The following GALNT13 variants were observed in gnomAD, a reference collection of about 807,000 sequenced individuals.
The protein encoded by GALNT13 is polypeptide N-acetylgalactosaminyltransferase 13, also known as UDP-GalNAc:polypeptide N-acetylgalactosaminyltransferase 13.
Under a neutral mutation model 64.2 loss-of-function variants are expected in GALNT13, and 28 were observed. The observed-to-expected ratio is 0.44, with a 90% CI of 0.32 to 0.60. GALNT13 has a LOEUF of 0.60. GALNT13 is among the 20% of genes least tolerant of loss of function. The pLI is 0.05. For synonymous variants in GALNT13, 214 were observed against 224.6 expected, an observed-to-expected ratio of 0.95 and a Z score of 0.42; for missense variants, 577 against 669.8, an observed-to-expected ratio of 0.86 and a Z score of 1.53.
chr2:153,932,702 G>T (rs944375042), intron 2 of GALNT13, among the ~76,000 whole-genome samples: 1 of 138,178 alleles, frequency 7.2e-6, no homozygotes, highest in East Asian at 2.2e-4. Context: ...ATCTTGGCTC[G>T]CTGTAACCTC....
the GALNT13 span, among the ~76,000 whole-genome samples, chr2:153,098,060 C>T: frequency 1.3e-5 from 2 of 152,106 alleles, no homozygotes; most frequent in Admixed American, 6.6e-5. Context: ...AGTGAGACTC[C>T]GTCTCAAATC....
At chr2:153,814,425 G>A in the GALNT13 span, among the ~76,000 whole-genome samples, 1 of 151,818 alleles carries the variant, frequency 6.6e-6, no homozygotes, top group African/African-American at 2.4e-5. Flanking sequence ...GGGCTACAGA[G>A]CGAGACTCCG....
At chr2:153,635,076 A>G in the GALNT13 span, among the ~76,000 whole-genome samples, 1 of 152,084 alleles carries the variant, frequency 6.6e-6, no homozygotes, top group African/African-American at 2.4e-5. Flanking sequence ...CTTTAGAGGA[A>G]ATTTGTTCTT....
chr2:154,348,061 C>T (rs924153263), intron 9 of GALNT13, among the ~76,000 whole-genome samples: 1 of 152,176 alleles, frequency 6.6e-6, no homozygotes, highest in African/African-American at 2.4e-5. Context: ...ACCTGTCATG[C>T]TTTATCTTAT....
At chr2:153,614,272 C>T in the GALNT13 span, among the ~76,000 whole-genome samples, 3 of 151,708 alleles carry the variant, frequency 2.0e-5, no homozygotes, top group Admixed American at 6.6e-5. Context: ...ACAATACTTA[C>T]CTTATAGTAT....
chr2:153,814,833 A>G, the GALNT13 span, among the ~76,000 whole-genome samples: 5 of 152,314 alleles, frequency 3.3e-5, no homozygotes, highest in South Asian at 2.1e-4. Context: ...ATATACATGT[A>G]TTATTCTAAA....
chr2:153,773,727 G>A, the GALNT13 span, among the ~76,000 whole-genome samples: 1 of 152,240 alleles, frequency 6.6e-6, no homozygotes, highest in South Asian at 2.1e-4. Flanking sequence ...TGATATAGTT[G>A]TAGGAAGAAT....
the GALNT13 span, among the ~76,000 whole-genome samples, chr2:153,371,789 A>G: frequency 6.6e-6 from 1 of 152,218 alleles, no homozygotes; most frequent in Non-Finnish European, 1.5e-5. Flanking sequence ...TGTAGATATT[A>G]AAAAGCTGAT....
At chr2:153,766,126 T>C in the GALNT13 span, among the ~76,000 whole-genome samples, 88 of 152,194 alleles carry the variant, frequency 5.8e-4, no homozygotes, top group Non-Finnish European at 9.3e-4. Context: ...CTTTGTTGGA[T>C]AAAATATTCA....
At chr2:154,019,415 A>G (rs1308201010) in intron 3 of GALNT13, among the ~76,000 whole-genome samples, 1 of 152,104 alleles carries the variant, frequency 6.6e-6, no homozygotes. Flanking sequence ...CAGGTGAATC[A>G]TGAGGTCAAG....
the GALNT13 span, among the ~76,000 whole-genome samples, chr2:153,820,910 A>G: frequency 1.3e-5 from 2 of 152,256 alleles, no homozygotes; most frequent in South Asian, 4.1e-4. Flanking sequence ...CTTAAAATGC[A>G]CAAAGTAGTA....
chr2:153,390,868 G>T, the GALNT13 span, among the ~76,000 whole-genome samples: 2 of 152,116 alleles, frequency 1.3e-5, no homozygotes, highest in South Asian at 2.1e-4. Context: ...AAGATGGGGG[G>T]AAGATGATAA....
the GALNT13 span, among the ~76,000 whole-genome samples, chr2:153,750,626 G>A: frequency 6.6e-6 from 1 of 151,634 alleles, no homozygotes. Flanking sequence ...GCTCATAGAG[G>A]CCACAAATAA....
intron 3 of GALNT13, among the ~76,000 whole-genome samples, chr2:153,991,762 T>A (rs1695170674): frequency 6.6e-6 from 1 of 152,190 alleles, no homozygotes; most frequent in South Asian, 2.1e-4. Flanking sequence ...CATTACTGGT[T>A]GTGTCACCAT....
chr2:154,154,153 TACTC>T (rs1365686654), intron 4 of GALNT13, among the ~76,000 whole-genome samples: 2 of 152,202 alleles, frequency 1.3e-5, no homozygotes, highest in Non-Finnish European at 1.5e-5. Context: ...AAGGCAGAAA[TACTC>T]AATTATTTAA....
chr2:153,149,621 C>T, the GALNT13 span, among the ~76,000 whole-genome samples: 1 of 151,822 alleles, frequency 6.6e-6, no homozygotes, highest in Non-Finnish European at 1.5e-5. Flanking sequence ...ATCCTTTCAA[C>T]ACTCATTTTT....
chr2:153,581,315 T>C, the GALNT13 span, among the ~76,000 whole-genome samples: 1 of 152,152 alleles, frequency 6.6e-6, no homozygotes, highest in Non-Finnish European at 1.5e-5. Context: ...ACACAGCTGC[T>C]TCTAGTGTGT....
intron 9 of GALNT13, among the ~76,000 whole-genome samples, chr2:154,312,575 T>A (rs1402716830): frequency 6.6e-6 from 1 of 152,194 alleles, no homozygotes; most frequent in Admixed American, 6.6e-5. Flanking sequence ...GGTAATTTGA[T>A]CGATATACAA....
At chr2:153,088,695 C>T in the GALNT13 span, among the ~76,000 whole-genome samples, 1 of 151,952 alleles carries the variant, frequency 6.6e-6, no homozygotes, top group African/African-American at 2.4e-5. Context: ...TTGAACTAAT[C>T]CTTTTATTAT....
Sources: allele counts gnomAD v4.1 joint callset (sites outside exome capture counted in the v4.1 genomes callset), GRCh38; gene constraint gnomAD v4.1.1; transcripts MANE v1.5; gene names NCBI Gene and HGNC (gene_info 2026-07-23, HGNC 2026-07-21).